The following ADGRL3 variants were observed in gnomAD, a reference collection of about 807,000 sequenced individuals.
ADGRL3 encodes the protein adhesion G protein-coupled receptor L3.
A neutral mutation model predicts 153.5 loss-of-function variants in ADGRL3; 62 were observed. That is an observed-to-expected ratio of 0.40 (90% CI 0.33 to 0.50). ADGRL3 has a LOEUF of 0.50. Ranked by LOEUF, ADGRL3 falls within the 20% of genes least tolerant of loss-of-function variation. The pLI is 0.47. For missense variants in ADGRL3, 1,641 were observed against 1,859.4 expected (o/e 0.88, Z 2.16); for synonymous variants, 710 against 672.5 (o/e 1.06, Z -0.86).
intron 5 of ADGRL3, among the ~76,000 whole-genome samples, chr4:61,648,370 T>TA (rs34898691): frequency 1.3e-5 from 2 of 148,272 alleles, no homozygotes; most frequent in Non-Finnish European, 3.0e-5. Context: ...TTTTTTTTTT[T>TA]AATTTGAAGA....
At chr4:61,333,627 T>G (rs984933171) in intron 1 of ADGRL3, among the ~76,000 whole-genome samples, 1 of 152,198 alleles carries the variant, frequency 6.6e-6, no homozygotes, top group East Asian at 1.9e-4. Context: ...AGGATTTCAC[T>G]CTGTCTCCCA....
intron 25 of ADGRL3, among the ~76,000 whole-genome samples, chr4:62,061,747 T>C (rs1019380539): frequency 2.0e-5 from 3 of 152,092 alleles, no homozygotes; most frequent in Admixed American, 2.0e-4. Context: ...TCTTATTCAG[T>C]ATAATTCTCT....
At chr4:61,533,085 C>T (rs2098633714) in intron 4 of ADGRL3, among the ~76,000 whole-genome samples, 1 of 152,082 alleles carries the variant, frequency 6.6e-6, no homozygotes. Context: ...TGCCATAAAA[C>T]AAAAGAATAA....
intron 5 of ADGRL3, among the ~76,000 whole-genome samples, chr4:61,603,621 A>C (rs1397219961): frequency 6.6e-6 from 1 of 152,184 alleles, no homozygotes; most frequent in Non-Finnish European, 1.5e-5. Context: ...GGAATACAGC[A>C]CTTATATCTC....
chr4:62,030,636 A>G (rs1022603660), intron 22 of ADGRL3, among the ~76,000 whole-genome samples: 2 of 151,576 alleles, frequency 1.3e-5, no homozygotes, highest in Non-Finnish European at 3.0e-5. Context: ...TTTATTCTAT[A>G]CTACTCCATT....
Position 61,695,526 on chromosome 4 carries a change from T to C in ADGRL3, c.583+18591T>C, listed in dbSNP as rs377362401. Among the ~76,000 whole-genome samples the C allele has an allele frequency of 7.2e-4, 109 of 152,290 alleles. 2 individuals carry two copies. In the South Asian group the frequency reaches 0.014, roughly 19 times the overall value. ...CATCCAGGCTTTGTTATTCCATCTA[T>C]AGAGTACAGGCAGAGTAGTTTACCA... On this transcript the variant is annotated intron_variant, in intron 6 of 26. Coordinates refer to ENST00000683033, the MANE Select transcript of ADGRL3 (RefSeq NM_001387552.1).
At chr4:61,854,087 T>G (rs1188984855) in intron 9 of ADGRL3, among the ~76,000 whole-genome samples, 1 of 152,340 alleles carries the variant, frequency 6.6e-6, no homozygotes, top group South Asian at 2.1e-4. Flanking sequence ...GGGAATTTAT[T>G]GCCTCTTTAT....
chr4:61,412,900 C>G (rs995749392), intron 2 of ADGRL3, among the ~76,000 whole-genome samples: 1 of 152,164 alleles, frequency 6.6e-6, no homozygotes, highest in African/African-American at 2.4e-5. Context: ...TTTAACATCT[C>G]TATCATCCTG....
At chr4:61,407,026 G>C (rs2152212977) in intron 2 of ADGRL3, among the ~76,000 whole-genome samples, 1 of 152,092 alleles carries the variant, frequency 6.6e-6, no homozygotes, top group South Asian at 2.1e-4. Context: ...GATTTGTATA[G>C]GTCTTATTGC....
At chr4:61,201,846 G>T in intron 1 of ADGRL3, 81 bp downstream of exon 1, 1 of 153,204 alleles carries the variant, frequency 6.5e-6, no homozygotes, top group South Asian at 2.1e-4. Context: ...CGGGCAACAA[G>T]AGGGGGTGCG....
chr4:61,697,652 A>G (rs1009304560), intron 6 of ADGRL3, among the ~76,000 whole-genome samples: 3 of 152,178 alleles, frequency 2.0e-5, no homozygotes, highest in African/African-American at 7.2e-5. Context: ...TAAAGCTTTG[A>G]ATCAAACATT....
At position 62,042,553 on chromosome 4, in the gene ADGRL3, G is replaced by T. The variant is rs766074250; in HGVS notation, c.3718-1900G>T. The stretch of plus-strand genomic sequence containing the variant: ...CTGGCATGTTAGAGAACAGCAAGGG[G>T]ACAGGTGCAATTAGAGCAGACAGGG... On this transcript the variant is annotated intron_variant, in intron 24 of 26. Coordinates refer to ENST00000683033, the MANE Select transcript of ADGRL3 (RefSeq NM_001387552.1). Among the ~76,000 whole-genome samples the T allele has an allele frequency of 2.0e-5, 3 of 152,016 alleles. No individual in the cohort carries two copies. In the South Asian group the frequency reaches 6.2e-4, roughly 32 times the overall value.
chr4:61,725,341 A>G (rs1324369820), intron 6 of ADGRL3, among the ~76,000 whole-genome samples: 1 of 152,088 alleles, frequency 6.6e-6, no homozygotes, highest in African/African-American at 2.4e-5. Context: ...GGCTGGGTGC[A>G]GTGGCTCATG....
intron 1 of ADGRL3, among the ~76,000 whole-genome samples, chr4:61,361,424 A>G (rs2096280542): frequency 1.3e-5 from 2 of 152,202 alleles, no homozygotes; most frequent in South Asian, 4.1e-4. Flanking sequence ...TAAAGTATAA[A>G]TAACATTATA....
At chr4:62,063,783 T>C (rs375216403) in intron 25 of ADGRL3, 14 of 459,436 alleles carry the variant, frequency 3.0e-5, no homozygotes, top group African/African-American at 1.4e-4. Flanking sequence ...TTGGTGCTTT[T>C]ATTTTCCACT....
chr4:61,369,106 T>C (rs1468068270), intron 1 of ADGRL3, among the ~76,000 whole-genome samples: 1 of 152,212 alleles, frequency 6.6e-6, no homozygotes, highest in Non-Finnish European at 1.5e-5. Context: ...CTGAAGTTGC[T>C]TATCAGCTTA....
rs1201299696 is a variant in ADGRL3, at chr4:61,572,681, A to G, written c.260-14546A>G. ...TTATTGCAATGTGGTATCTCAAAAT[A>G]CTATAAATTAAATAATATACCAGCA... On this transcript the variant is annotated intron_variant, in intron 4 of 26. Coordinates refer to ENST00000683033, the MANE Select transcript of ADGRL3 (RefSeq NM_001387552.1). Among the ~76,000 whole-genome samples the G allele has an allele frequency of 1.4e-4, 22 of 152,070 alleles. No homozygotes were observed. In the East Asian group the frequency reaches 3.9e-3, roughly 27 times the overall value.
Position 61,913,044 on chromosome 4 carries a change from G to A in ADGRL3, c.2112+287G>A, listed in dbSNP as rs548636380. The stretch of plus-strand genomic sequence containing the variant: ...CTATAAAATCCCTATTTTTTTCATA[G>A]AGGTGGGTTTGAAAACATTTCATTT... On this transcript the variant is annotated intron_variant, in intron 13 of 26. Transcript: ENST00000683033. Among the ~76,000 whole-genome samples, 482 of 152,168 alleles carry A rather than the reference G, an allele frequency of 3.2e-3. 2 individuals are homozygous for A. The highest frequency in any genetic ancestry group is 5.5e-3 in the Non-Finnish European group (375 of 67,984).
chr4:62,033,714 T>C (rs986155766), intron 23 of ADGRL3, among the ~76,000 whole-genome samples: 4 of 151,838 alleles, frequency 2.6e-5, no homozygotes, highest in African/African-American at 9.7e-5. Flanking sequence ...TGATCAGTCA[T>C]AACATACTGA....
Sources: gnomAD v4.1 joint callset for allele counts (sites outside exome capture counted in the v4.1 genomes callset) on GRCh38, gnomAD v4.1.1 for gene constraint, MANE v1.5 for transcripts, NCBI Gene and HGNC (gene_info 2026-07-23, HGNC 2026-07-21) for gene names.